The following PATJ variants were observed in gnomAD, a reference collection of about 807,000 sequenced individuals.
PATJ encodes inaD-like protein.
In PATJ, 190 loss-of-function variants were observed where a neutral mutation model predicts 224.9. That is an observed-to-expected ratio of 0.84 (90% confidence interval 0.75 to 0.95). The LOEUF (loss-of-function observed/expected upper bound fraction) is 0.95. PATJ is among the 40% of genes least tolerant of loss of function. The pLI, the probability that PATJ is intolerant of heterozygous loss-of-function variation, is 0.00. For synonymous variants in PATJ, 769 were observed against 820.3 expected (o/e 0.94, Z 1.07); for missense variants, 2,121 against 2,270.3 (o/e 0.93, Z 1.34).
intron 18 of PATJ, among the ~76,000 whole-genome samples, chr1:61,861,002 G>C (rs1440871206): frequency 6.6e-6 from 1 of 151,492 alleles, no homozygotes; most frequent in African/African-American, 2.4e-5. Context: ...ACGTTTTAGA[G>C]TATATATTAA....
chr1:62,146,456 A>C (rs1668047450), intron 41 of PATJ, among the ~76,000 whole-genome samples: 1 of 152,182 alleles, frequency 6.6e-6, no homozygotes, highest in Admixed American at 6.5e-5. Flanking sequence ...ACCAGTGAGA[A>C]GGCTAGAAAT....
intron 28 of PATJ, among the ~76,000 whole-genome samples, chr1:62,006,299 A>G (rs1384178382): frequency 6.6e-6 from 1 of 152,146 alleles, no homozygotes; most frequent in East Asian, 1.9e-4. Flanking sequence ...TATTTTTAGT[A>G]GAGACAGGGT....
At chr1:62,019,982 A>G (rs1485810991) in intron 29 of PATJ, among the ~76,000 whole-genome samples, 1 of 152,008 alleles carries the variant, frequency 6.6e-6, no homozygotes, top group Non-Finnish European at 1.5e-5. Context: ...TGGCCTGGGC[A>G]ACATAGTGAG....
At chr1:61,846,579 T>G (rs751418271) in intron 17 of PATJ, among the ~76,000 whole-genome samples, 1 of 152,170 alleles carries the variant, frequency 6.6e-6, no homozygotes, top group Admixed American at 6.5e-5. Flanking sequence ...GTTAAGTATA[T>G]TCACATTTCA....
chr1:62,066,111 A>G (rs1656367835), intron 31 of PATJ, among the ~76,000 whole-genome samples: 1 of 152,208 alleles, frequency 6.6e-6, no homozygotes, highest in Admixed American at 6.5e-5. Context: ...GTGTAGTGAC[A>G]GTGAAGAATC....
At chr1:61,895,305 A>T (rs1226147646) in intron 22 of PATJ, among the ~76,000 whole-genome samples, 1 of 152,248 alleles carries the variant, frequency 6.6e-6, no homozygotes, top group Non-Finnish European at 1.5e-5. Context: ...GTTAATAGCC[A>T]AGACGGGGAA....
intron 33 of PATJ, among the ~76,000 whole-genome samples, chr1:62,087,756 T>A (rs1660199168): frequency 6.6e-6 from 1 of 151,768 alleles, no homozygotes; most frequent in Non-Finnish European, 1.5e-5. Context: ...TGTTAACATT[T>A]TTCTCTGGAG....
chr1:61,953,012 A>G (rs1679940100), intron 27 of PATJ, among the ~76,000 whole-genome samples: 1 of 152,186 alleles, frequency 6.6e-6, no homozygotes, highest in Admixed American at 6.5e-5. Flanking sequence ...CATTCATCTA[A>G]ATCTACAAAT....
rs1669879948 is a variant in PATJ, at chr1:62,162,088, C to T, written c.*1034C>T. 6.6e-6 allele frequency: 1 copy of T among 152,106 alleles called. No homozygotes were observed. The allele number at this position is 152,106 out of a possible 1,614,324, so 9.4% of individuals were successfully genotyped here. On this transcript the variant is annotated 3_prime_UTR_variant, in exon 44 of 44. Coordinates refer to ENST00000642238, the MANE Select transcript of PATJ (RefSeq NM_001350145.3). ...TTTTCTGTGCCATATAAATGCATAC[C>T]ACTGAGCAAATGAACCTTATTCTCA...
In PATJ at chr1:62,106,134, A is replaced by G. The variant is rs1232012687; in HGVS notation, c.4378-2303A>G. Among the ~76,000 whole-genome samples, 3 of 87,012 alleles carry G rather than the reference A, an allele frequency of 3.4e-5. No individual in the cohort carries two copies. In the East Asian group the frequency reaches 7.0e-4, roughly 20 times the overall value. The allele number at this position is 87,012 out of a possible 152,430, so 57.1% of individuals were successfully genotyped here. Reference sequence around the variant, plus strand: ...CACACACACACAAACACACATATATACATGTGTATATGTGTGTGTGTGTGT... The same window carrying G: ...CACACACACACAAACACACATATATGCATGTGTATATGTGTGTGTGTGTGT... On this transcript the variant is annotated intron_variant, in intron 33 of 43. Transcript: ENST00000642238.
At chr1:61,915,692 TTTC>T (rs1217726023) in intron 26 of PATJ, among the ~76,000 whole-genome samples, 1 of 150,608 alleles carries the variant, frequency 6.6e-6, no homozygotes, top group African/African-American at 2.4e-5. Context: ...TTTTCTTTTC[TTTC>T]TTTTTTTTTT....
intron 27 of PATJ, among the ~76,000 whole-genome samples, chr1:61,983,381 A>G (rs1644554352): frequency 6.6e-6 from 1 of 152,066 alleles, no homozygotes; most frequent in African/African-American, 2.4e-5. Context: ...CTTTTTGCTT[A>G]TCAAGTTTCT....
chr1:61,976,749 C>T (rs1168230475), intron 27 of PATJ, among the ~76,000 whole-genome samples: 1 of 151,960 alleles, frequency 6.6e-6, no homozygotes, highest in Non-Finnish European at 1.5e-5. Flanking sequence ...AAACATTTAC[C>T]AACATAAAGA....
intron 29 of PATJ, among the ~76,000 whole-genome samples, chr1:62,019,383 C>T (rs1256620003): frequency 6.6e-6 from 1 of 151,378 alleles, no homozygotes; most frequent in African/African-American, 2.4e-5. Flanking sequence ...AAAAATTAGC[C>T]AGGTGTGGTG....
chr1:62,054,924 G>A (rs182424516), intron 31 of PATJ, among the ~76,000 whole-genome samples: 14 of 152,004 alleles, frequency 9.2e-5, no homozygotes, highest in Admixed American at 2.6e-4. Context: ...GCATGGTGGC[G>A]GGTGCCTGTA....
At chr1:62,060,507 A>G (rs1314815522) in intron 31 of PATJ, among the ~76,000 whole-genome samples, 1 of 152,106 alleles carries the variant, frequency 6.6e-6, no homozygotes, top group Non-Finnish European at 1.5e-5. Flanking sequence ...AGCTAGGACT[A>G]CAGGCGCACA....
chr1:61,799,723 T>C (rs1652074643), intron 11 of PATJ, among the ~76,000 whole-genome samples: 1 of 152,152 alleles, frequency 6.6e-6, no homozygotes, highest in Non-Finnish European at 1.5e-5. Context: ...GCCTCCTTCA[T>C]CCTGGGATCC....
intron 30 of PATJ, among the ~76,000 whole-genome samples, chr1:62,040,309 A>G (rs540522626): frequency 1.5e-4 from 23 of 151,820 alleles, no homozygotes; most frequent in Admixed American, 5.2e-4. Flanking sequence ...GGGTTTCACC[A>G]TGTTGGCCAG....
chr1:62,071,979 C>T (rs112433547), intron 31 of PATJ, among the ~76,000 whole-genome samples: 12 of 152,284 alleles, frequency 7.9e-5, no homozygotes, highest in African/African-American at 1.9e-4. Flanking sequence ...CCAAACCAGT[C>T]TCTCCTGTTC....
Sources: gnomAD v4.1 joint callset for allele counts (sites outside exome capture counted in the v4.1 genomes callset) on GRCh38, gnomAD v4.1.1 for gene constraint, MANE v1.5 for transcripts, NCBI Gene and HGNC (gene_info 2026-07-23, HGNC 2026-07-21) for gene names.